Variants in OR5K1 observed in about 807,000 individuals in gnomAD.
OR5K1 encodes olfactory receptor family 5 subfamily K member 1.
OR5K1 carries 7 observed loss-of-function variants against 10.4 expected under a neutral mutation model. That is an observed-to-expected ratio of 0.67 (90% confidence interval 0.38 to 1.26). The LOEUF is 1.26. Among genes scored for constraint, OR5K1 ranks in the 50% most tolerant of loss-of-function variants. OR5K1 has a pLI of 0.02. For synonymous variants in OR5K1, 135 were observed against 128.5 expected, an observed-to-expected ratio of 1.05 and a Z score of -0.34; for missense variants, 435 against 366.2, an observed-to-expected ratio of 1.19 and a Z score of -1.53.
intron 1 of OR5K1, among the ~76,000 whole-genome samples, chr3:98,464,759 G>T (rs150730597): frequency 6.6e-6 from 1 of 152,246 alleles, no homozygotes; most frequent in Non-Finnish European, 1.5e-5. Context: ...CATAGAGGAG[G>T]TGACCTTAAG....
At chr3:98,469,523 A>G in intron 1 of OR5K1, 43 bp from the exon 2 acceptor site, 1 of 1,536,462 alleles carries the variant, frequency 6.5e-7, no homozygotes, top group Non-Finnish European at 8.8e-7. Flanking sequence ...TAACTGTGGC[A>G]TATTATAAAT....
In OR5K1 at chr3:98,471,653, G is replaced by A. The variant is rs1049651819; in HGVS notation, c.*1150G>A. 1.3e-5 allele frequency: 2 copies of A among 151,836 alleles called. No homozygotes were observed. Among genetic ancestry groups the A allele is most frequent in the Non-Finnish European group, 2.9e-5 (2 of 67,912 alleles). The allele number at this position is 151,836 out of a possible 1,614,324, so 9.4% of individuals were successfully genotyped here. Reference sequence around the variant, plus strand: ...TATTACTAACTTCTGGATTAAGAAGGACCTATGTCACATAATAGAAAAACA... The same window carrying A: ...TATTACTAACTTCTGGATTAAGAAGAACCTATGTCACATAATAGAAAAACA... On this transcript the variant is annotated 3_prime_UTR_variant, in exon 2 of 2. Coordinates refer to ENST00000642057, the MANE Select transcript of OR5K1 (RefSeq NM_001004736.4).
At position 98,470,622 on chromosome 3, in the gene OR5K1, A is replaced by T; in HGVS notation, c.*119A>T. The T allele has an allele frequency of 1.7e-6, 1 of 578,380 alleles. No individual in the cohort carries two copies. The highest frequency in any genetic ancestry group is 3.0e-6 in the Non-Finnish European group (1 of 332,598). 35.8% of individuals were successfully genotyped at this position (578,380 alleles called of 1,614,324 possible). A position where few individuals can be genotyped will look rare whatever the true frequency, so the allele number is the denominator to read the frequency against. ...TAAATTATAAGTAAAATTTTAATAT[A>T]TAAGAATACATTCAAATTAAGTGGC... On this transcript the variant is annotated 3_prime_UTR_variant, in exon 2 of 2. Transcript: ENST00000642057.
intron 1 of OR5K1, 106 bp from the exon 2 acceptor site, chr3:98,469,460 T>A (rs1705414077): frequency 9.2e-7 from 1 of 1,082,072 alleles, no homozygotes; most frequent in Admixed American, 2.6e-5. Flanking sequence ...CCAGGCAACA[T>A]GAGGAAACAT....
chr3:98,464,031 G>A (rs1010515866), intron 1 of OR5K1, among the ~76,000 whole-genome samples: 1 of 152,062 alleles, frequency 6.6e-6, no homozygotes, highest in Admixed American at 6.5e-5. Flanking sequence ...GAGGCAGGAG[G>A]ATCACTTGAG....
In OR5K1 at chr3:98,469,595, A is replaced by C. The variant is rs757455229; in HGVS notation, c.19A>C (p.Thr7Pro). ...GTCAGGAATGGCTGAAGAAAATCAT[A>C]CCATGAAAAATGAGTTTATCCTCAC... is the stretch of plus-strand genomic sequence containing the variant. MAEENH[T>P]MKNEFILTGF... The change falls in exon 2 of 2, where the codon ACC (threonine) becomes CCC (proline). Residue 7 changes from threonine to proline, a missense_variant. Transcript: ENST00000642057. 2.8e-5 allele frequency: 45 copies of C among 1,608,720 alleles called. No individual in the cohort carries two copies. Among genetic ancestry groups the C allele is most frequent in the African/African-American group, 5.4e-5 (4 of 74,736 alleles).
chr3:98,470,298 G>C lies in OR5K1; in HGVS notation c.722G>C (p.Cys241Ser). The change falls in exon 2 of 2, where the codon TGT (cysteine) becomes TCT (serine). Residue 241 changes from cysteine (C) to serine (S), a missense_variant. Physicochemically the swap from Cys to Ser is moderately radical, Grantham distance 112. Coordinates refer to ENST00000642057, the MANE Select transcript of OR5K1 (RefSeq NM_001004736.4). ...KEGRAKAFST[C>S]ASHFLSVSLF... ...GGAAGGGCCAAAGCTTTTTCTACCTGTGCATCCCACTTTTTGTCAGTTTCA... is the reference window on the plus strand; with the variant it reads ...GGAAGGGCCAAAGCTTTTTCTACCTCTGCATCCCACTTTTTGTCAGTTTCA... The C allele has an allele frequency of 6.2e-7, 1 of 1,613,282 alleles. No homozygotes were observed. Among genetic ancestry groups the C allele is most frequent in the African/African-American group, 1.3e-5 (1 of 74,950 alleles).
intron 1 of OR5K1, among the ~76,000 whole-genome samples, chr3:98,469,055 G>A (rs1326360544): frequency 2.0e-5 from 3 of 152,028 alleles, no homozygotes; most frequent in African/African-American, 7.2e-5. Context: ...ACAATTGACT[G>A]GATAAAGAAA....
At chr3:98,464,603 C>G (rs772444102) in intron 1 of OR5K1, among the ~76,000 whole-genome samples, 1 of 152,094 alleles carries the variant, frequency 6.6e-6, no homozygotes, top group East Asian at 1.9e-4. Flanking sequence ...AACTCTTTGT[C>G]TATAAGTACA....
intron 1 of OR5K1, among the ~76,000 whole-genome samples, chr3:98,466,024 A>T (rs1478024426): frequency 6.6e-6 from 1 of 151,760 alleles, no homozygotes; most frequent in Admixed American, 6.6e-5. Context: ...CATTAGGTAT[A>T]TCTCCCAATG....
At chr3:98,466,977 G>A (rs1310445039) in intron 1 of OR5K1, among the ~76,000 whole-genome samples, 12 of 121,622 alleles carry the variant, frequency 9.9e-5, no homozygotes, top group Non-Finnish European at 9.9e-5. Flanking sequence ...CCTTGCCCAC[G>A]CCTATGTCCT....
chr3:98,468,262 A>G (rs1271276365), intron 1 of OR5K1, among the ~76,000 whole-genome samples: 1 of 152,124 alleles, frequency 6.6e-6, no homozygotes, highest in African/African-American at 2.4e-5. Flanking sequence ...CTCCAGCAGT[A>G]TTGGAGATAG....
intron 1 of OR5K1, among the ~76,000 whole-genome samples, chr3:98,468,100 G>T (rs1266448853): frequency 6.6e-6 from 1 of 151,968 alleles, no homozygotes; most frequent in Non-Finnish European, 1.5e-5. Context: ...AAATAACCTG[G>T]ATGGTTTCTA....
chr3:98,469,503 G>A, intron 1 of OR5K1, 63 bp from the exon 2 acceptor site: 1 of 1,464,218 alleles, frequency 6.8e-7, no homozygotes, highest in East Asian at 2.3e-5. Flanking sequence ...TTAAGCCAAA[G>A]AGACCTAAAT....
intron 1 of OR5K1, among the ~76,000 whole-genome samples, chr3:98,465,366 C>T (rs1213388458): frequency 6.6e-6 from 1 of 152,076 alleles, no homozygotes; most frequent in Non-Finnish European, 1.5e-5. Flanking sequence ...TTCATCATAA[C>T]TTACTAAATG....
At chr3:98,466,292 C>CT (rs1705374690) in intron 1 of OR5K1, among the ~76,000 whole-genome samples, 1 of 118,992 alleles carries the variant, frequency 8.4e-6, no homozygotes, top group Non-Finnish European at 1.7e-5. Flanking sequence ...TTAATCCAGT[C>CT]TATCATTGTT....
chr3:98,464,883 A>T lies in OR5K1; in HGVS notation c.-12+1576A>T, dbSNP rs557839323. ...CCATTATCATAAAAGTGGAGTAGGC[A>T]TTTGCTCAATGAATCCATTGTAACA... On this transcript the variant is annotated intron_variant, in intron 1 of 1. Transcript: ENST00000642057. Among the ~76,000 whole-genome samples the T allele has an allele frequency of 6.6e-5, 10 of 152,316 alleles. No individual in the cohort carries two copies. In the South Asian group the frequency reaches 2.1e-3, roughly 32 times the overall value.
At chr3:98,469,362 G>A (rs1428786639) in intron 1 of OR5K1, 4 of 575,132 alleles carry the variant, frequency 7.0e-6, no homozygotes, top group South Asian at 2.4e-5. Flanking sequence ...GATTTTAAAA[G>A]GTACTGAAAA....
intron 1 of OR5K1, among the ~76,000 whole-genome samples, chr3:98,465,736 G>T (rs1233005536): frequency 6.6e-6 from 1 of 151,618 alleles, no homozygotes; most frequent in Non-Finnish European, 1.5e-5. Context: ...ATATTTTTCT[G>T]TTCTGCCATT....
Sources: allele counts gnomAD v4.1 joint callset (sites outside exome capture counted in the v4.1 genomes callset), GRCh38; gene constraint gnomAD v4.1.1; transcripts MANE v1.5; gene names NCBI Gene and HGNC (gene_info 2026-07-23, HGNC 2026-07-21).